ADAMTS6: variants seen among roughly 807,000 people sequenced by gnomAD.
ADAMTS6 encodes the protein ADAM metallopeptidase with thrombospondin type 1 motif 6, also known as A disintegrin and metalloproteinase with thrombospondin motifs 6.
Under a neutral mutation model 144.3 loss-of-function variants are expected in ADAMTS6, and 23 were observed. The ratio of observed to expected loss-of-function variants is 0.16; its 90% CI spans 0.11 to 0.23. The LOEUF (loss-of-function observed/expected upper bound fraction) is 0.23, where lower values mean the gene tolerates loss of function less well. Among genes scored for constraint, ADAMTS6 ranks in the 10% least tolerant of loss-of-function variants. ADAMTS6 has a pLI of 1.00. For synonymous variants in ADAMTS6, 444 were observed against 457.5 expected (o/e 0.97, Z 0.38); for missense variants, 999 against 1,379.6 (o/e 0.72, Z 4.37).
At position 65,374,883 on chromosome 5, in the gene ADAMTS6, C is replaced by A. The variant is rs376643337; in HGVS notation, c.1074-40798G>T. Reference sequence around the variant, plus strand: ...TATACTACAAGGCTACAGTAACCAACACAGCATGGCACTGGTACCAAAACA... The same window carrying A: ...TATACTACAAGGCTACAGTAACCAAAACAGCATGGCACTGGTACCAAAACA... On this transcript the variant is annotated intron_variant, in intron 7 of 24. Coordinates refer to ENST00000381055, the MANE Select transcript of ADAMTS6 (RefSeq NM_197941.4). Among the ~76,000 whole-genome samples, 13 of 152,240 alleles carry A rather than the reference C, an allele frequency of 8.5e-5. No individual in the cohort carries two copies. The South Asian group carries it at 2.1e-3, about 24-fold the overall frequency.
intron 7 of ADAMTS6, among the ~76,000 whole-genome samples, chr5:65,386,038 T>C (rs1473559618): frequency 6.6e-6 from 1 of 152,196 alleles, no homozygotes; most frequent in African/African-American, 2.4e-5. Context: ...AGCCTATTAT[T>C]GAACATTTTA....
At chr5:65,154,429 G>C (rs986352839) in intron 24 of ADAMTS6, among the ~76,000 whole-genome samples, 7 of 152,214 alleles carry the variant, frequency 4.6e-5, no homozygotes, top group African/African-American at 1.7e-4. Context: ...CACTTAACTT[G>C]ATTGGAAGCA....
At chr5:65,402,292 A>T (rs1753986070) in intron 7 of ADAMTS6, among the ~76,000 whole-genome samples, 1 of 152,060 alleles carries the variant, frequency 6.6e-6, no homozygotes, top group Non-Finnish European at 1.5e-5. Flanking sequence ...TATCCTAGGG[A>T]AATCCAAATC....
chr5:65,235,130 G>A (rs1048464647), intron 15 of ADAMTS6, among the ~76,000 whole-genome samples: 1 of 152,134 alleles, frequency 6.6e-6, no homozygotes. Context: ...AGAGGGATCA[G>A]TTCTAGAGAT....
chr5:65,369,044 A>C (rs963979415), intron 7 of ADAMTS6, among the ~76,000 whole-genome samples: 6 of 151,890 alleles, frequency 4.0e-5, no homozygotes, highest in Non-Finnish European at 7.4e-5. Flanking sequence ...TGACAGAGTG[A>C]GACTGTCTCT....
At chr5:65,291,048 TG>T (rs1339051046) in intron 11 of ADAMTS6, among the ~76,000 whole-genome samples, 1 of 152,142 alleles carries the variant, frequency 6.6e-6, no homozygotes, top group Non-Finnish European at 1.5e-5. Flanking sequence ...GAAATAAAGT[TG>T]GCATCATAAA....
At chr5:65,392,092 T>C (rs1345746760) in intron 7 of ADAMTS6, among the ~76,000 whole-genome samples, 1 of 152,164 alleles carries the variant, frequency 6.6e-6, no homozygotes, top group African/African-American at 2.4e-5. Flanking sequence ...AAAAAATTCC[T>C]CATTTTGCAT....
At chr5:65,289,700 G>C (rs776263541) in intron 11 of ADAMTS6, among the ~76,000 whole-genome samples, 1 of 152,028 alleles carries the variant, frequency 6.6e-6, no homozygotes, top group African/African-American at 2.4e-5. Context: ...AGACTATATC[G>C]TGTAGCCATA....
In ADAMTS6 at chr5:65,404,853, G is replaced by A. The variant is rs1197252697; in HGVS notation, c.1073+46622C>T. On this transcript the variant is annotated intron_variant, in intron 7 of 24. Coordinates refer to ENST00000381055, the MANE Select transcript of ADAMTS6 (RefSeq NM_197941.4). The stretch of plus-strand genomic sequence containing the variant: ...ATCGCCATTCTAACTGGTGTGAGAT[G>A]GTATCTCATTGTGGTTTTGATTTGC... Among the ~76,000 whole-genome samples, 95 of 152,216 alleles carry A rather than the reference G, an allele frequency of 6.2e-4. 1 individual carries two copies. The highest frequency in any genetic ancestry group is 7.4e-5 in the Non-Finnish European group (5 of 68,006).
At chr5:65,233,694 T>C (rs6884602) in intron 15 of ADAMTS6, among the ~76,000 whole-genome samples, 19,443 of 152,058 alleles carry the variant, frequency 0.13, 1,323 homozygotes, top group African/African-American at 0.15. Context: ...TGTCAAAATG[T>C]CCATACTTCC....
At chr5:65,245,456 T>C (rs1366720081) in intron 14 of ADAMTS6, among the ~76,000 whole-genome samples, 1 of 152,198 alleles carries the variant, frequency 6.6e-6, no homozygotes, top group Non-Finnish European at 1.5e-5. Flanking sequence ...TTCTAGCCTC[T>C]GGGCTCTGAC....
rs1044179998 is a variant in ADAMTS6, at chr5:65,378,017, G to A, written c.1074-43932C>T. 3.4e-5 allele frequency among the ~76,000 whole-genome samples: 5 copies of A among 148,712 alleles called. No individual in the cohort carries two copies. The East Asian group carries it at 9.7e-4, about 29-fold the overall frequency. The stretch of plus-strand genomic sequence containing the variant: ...TCCATGTTTGTCTCTGTCTCTGTAT[G>A]TCTTTTTTTCTTATAAGGACACTAG... On this transcript the variant is annotated intron_variant, in intron 7 of 24. Coordinates refer to ENST00000381055, the MANE Select transcript of ADAMTS6 (RefSeq NM_197941.4).
chr5:65,201,718 T>G lies in ADAMTS6; in HGVS notation c.2576-4567A>C, dbSNP rs16893519. On this transcript the variant is annotated intron_variant, in intron 20 of 24. Transcript: ENST00000381055. ...CCAACATCTAAATAATTTAACCTAG[T>G]GACATAGCACATCATATCTACCCAA... Among the ~76,000 whole-genome samples, 1,312 of 152,262 alleles carry G rather than the reference T, an allele frequency of 8.6e-3. 12 individuals are homozygous for G. The highest frequency in any genetic ancestry group is 0.037 in the Middle Eastern group (11 of 294).
chr5:65,439,099 C>CA (rs990091742), intron 7 of ADAMTS6, among the ~76,000 whole-genome samples: 14 of 151,434 alleles, frequency 9.2e-5, no homozygotes, highest in African/African-American at 3.4e-4. Context: ...CGGAAAATCC[C>CA]AAAAAGTAGG....
At chr5:65,189,800 A>G (rs1754899364) in intron 21 of ADAMTS6, among the ~76,000 whole-genome samples, 1 of 152,246 alleles carries the variant, frequency 6.6e-6, no homozygotes, top group Admixed American at 6.5e-5. Context: ...TGCTATTTCA[A>G]TCGAAATTCA....
chr5:65,275,428 G>GA (rs1218078520), intron 11 of ADAMTS6, among the ~76,000 whole-genome samples: 3 of 147,590 alleles, frequency 2.0e-5, no homozygotes, highest in Middle Eastern at 3.2e-3. Flanking sequence ...AAGAAAGAAA[G>GA]AAAGAAAAGA....
chr5:65,192,166 T>C (rs1032475447), intron 21 of ADAMTS6, among the ~76,000 whole-genome samples: 1 of 152,050 alleles, frequency 6.6e-6, no homozygotes, highest in African/African-American at 2.4e-5. Context: ...ACCAATTAAA[T>C]AAAACCTAGC....
intron 11 of ADAMTS6, among the ~76,000 whole-genome samples, chr5:65,280,253 T>C (rs1285992334): frequency 6.6e-6 from 1 of 152,218 alleles, no homozygotes; most frequent in African/African-American, 2.4e-5. Context: ...TTAGAGACAT[T>C]GGCTTTTGAG....
At position 65,451,598 on chromosome 5, in the gene ADAMTS6, T is replaced by C; in HGVS notation, c.950A>G (p.His317Arg). 2 of 1,612,938 alleles carry C rather than the reference T, an allele frequency of 1.2e-6. No individual in the cohort carries two copies. The highest frequency in any genetic ancestry group is 1.7e-6 in the Non-Finnish European group (2 of 1,179,498). The change falls in exon 7 of 25, where the codon CAT (histidine) becomes CGT (arginine). Residue 317 changes from histidine (H) to arginine (R), a missense_variant. His to Arg is a conservative substitution (Grantham distance 29, BLOSUM62 0). Transcript: ENST00000381055. ...EDQPNLEINH[H>R]ADKSLDSFCK... ...GAAGCTATCGAGGGACTTGTCTGCA[T>C]GGTGGTTTATCTCCAAGTTTGGCTG...
Sources: gnomAD v4.1 joint callset for allele counts (sites outside exome capture counted in the v4.1 genomes callset) on GRCh38, gnomAD v4.1.1 for gene constraint, MANE v1.5 for transcripts, NCBI Gene and HGNC (gene_info 2026-07-23, HGNC 2026-07-21) for gene names.